Variants in CRPPA observed in about 807,000 individuals in gnomAD.
The protein encoded by CRPPA is CDP-L-ribitol pyrophosphorylase A.
Under a neutral mutation model 52.0 loss-of-function variants are expected in CRPPA, and 43 were observed. The observed-to-expected ratio is 0.83, with a 90% confidence interval of 0.65 to 1.07. The LOEUF (loss-of-function observed/expected upper bound fraction) is 1.07, where lower values mean the gene tolerates loss of function less well. CRPPA is among the 50% of genes least tolerant of loss of function. The pLI is 0.00. For synonymous variants in CRPPA, 250 were observed against 203.5 expected, an observed-to-expected ratio of 1.23 and a Z score of -1.94; for missense variants, 629 against 551.7, an observed-to-expected ratio of 1.14 and a Z score of -1.40.
At chr7:16,378,356 C>T (rs997697191) in intron 2 of CRPPA, among the ~76,000 whole-genome samples, 11 of 146,850 alleles carry the variant, frequency 7.5e-5, no homozygotes, top group Non-Finnish European at 1.5e-4. Flanking sequence ...TGAGAACATG[C>T]GGTGTTTGGT....
intron 5 of CRPPA, among the ~76,000 whole-genome samples, chr7:16,289,602 T>A (rs188236922): frequency 6.6e-6 from 1 of 152,086 alleles, no homozygotes; most frequent in Non-Finnish European, 1.5e-5. Context: ...TTAATAGACA[T>A]AGAAAAAGCA....
chr7:16,310,958 C>G (rs1785022924), intron 3 of CRPPA, among the ~76,000 whole-genome samples: 1 of 152,130 alleles, frequency 6.6e-6, no homozygotes, highest in Non-Finnish European at 1.5e-5. Context: ...AGAATATGAA[C>G]TTTTCCTCAC....
chr7:16,110,369 A>T (rs888537131), intron 9 of CRPPA, among the ~76,000 whole-genome samples: 7 of 152,110 alleles, frequency 4.6e-5, no homozygotes, highest in Non-Finnish European at 5.9e-5. Flanking sequence ...CTATAAACTT[A>T]ACACCATTCC....
intron 9 of CRPPA, among the ~76,000 whole-genome samples, chr7:16,169,815 T>C (rs537552580): frequency 6.6e-6 from 1 of 152,302 alleles, no homozygotes; most frequent in South Asian, 2.1e-4. Flanking sequence ...TTGTTTTGAC[T>C]ACTTAGACAA....
At chr7:16,227,087 G>A (rs570824851) in intron 8 of CRPPA, among the ~76,000 whole-genome samples, 3 of 151,760 alleles carry the variant, frequency 2.0e-5, no homozygotes, top group East Asian at 3.9e-4. Context: ...TCTTTTTCAT[G>A]GCCAAAGAGT....
intron 3 of CRPPA, among the ~76,000 whole-genome samples, chr7:16,350,952 C>G (rs1786135285): frequency 6.6e-6 from 1 of 152,016 alleles, no homozygotes; most frequent in Admixed American, 6.6e-5. Flanking sequence ...AATAGCTGTA[C>G]TATTTTCAGA....
intron 3 of CRPPA, among the ~76,000 whole-genome samples, chr7:16,371,278 G>A (rs993341183): frequency 3.9e-5 from 6 of 152,040 alleles, no homozygotes; most frequent in African/African-American, 9.7e-5. Context: ...ATAAAATACT[G>A]GAGAAAAATT....
intron 6 of CRPPA, among the ~76,000 whole-genome samples, chr7:16,274,405 T>G (rs534618722): frequency 6.6e-6 from 1 of 152,300 alleles, no homozygotes; most frequent in Non-Finnish European, 1.5e-5. Context: ...TAACAGGTTT[T>G]TAAACTTTTA....
intron 9 of CRPPA, among the ~76,000 whole-genome samples, chr7:16,101,004 A>G (rs1562503473): frequency 6.6e-6 from 1 of 152,160 alleles, no homozygotes; most frequent in Admixed American, 6.5e-5. Context: ...GATGAAGCCA[A>G]TTTGATCATG....
intron 8 of CRPPA, among the ~76,000 whole-genome samples, chr7:16,223,055 G>T (rs545491609): frequency 6.6e-6 from 1 of 151,924 alleles, no homozygotes; most frequent in African/African-American, 2.4e-5. Flanking sequence ...AGTTTGAGAG[G>T]CTGAGGCAGG....
chr7:16,149,258 G>T (rs1783029808), intron 9 of CRPPA, among the ~76,000 whole-genome samples: 2 of 152,154 alleles, frequency 1.3e-5, no homozygotes, highest in African/African-American at 4.8e-5. Flanking sequence ...TTTCAGAGGA[G>T]CTATAAGTAA....
chr7:16,198,697 C>T (rs986911826), intron 9 of CRPPA, among the ~76,000 whole-genome samples: 3 of 149,186 alleles, frequency 2.0e-5, no homozygotes, highest in Admixed American at 1.3e-4. Flanking sequence ...ACAGGATGAC[C>T]GGTATGCACT....
intron 9 of CRPPA, among the ~76,000 whole-genome samples, chr7:16,093,874 T>C (rs543395237): frequency 6.6e-6 from 1 of 152,152 alleles, no homozygotes; most frequent in African/African-American, 2.4e-5. Flanking sequence ...CTAAGTCTCA[T>C]TTATTAAATT....
chr7:16,238,689 G>C (rs945160292), intron 8 of CRPPA, among the ~76,000 whole-genome samples: 1 of 152,100 alleles, frequency 6.6e-6, no homozygotes, highest in Non-Finnish European at 1.5e-5. Context: ...AAAATGGCTT[G>C]AAATAGGAAT....
chr7:16,312,200 T>C (rs1483222049), intron 3 of CRPPA, among the ~76,000 whole-genome samples: 1 of 152,046 alleles, frequency 6.6e-6, no homozygotes, highest in East Asian at 1.9e-4. Flanking sequence ...AATTTGTAGA[T>C]CACGTTGGGG....
chr7:16,290,320 A>G (rs1232020191), intron 5 of CRPPA, among the ~76,000 whole-genome samples: 1 of 152,128 alleles, frequency 6.6e-6, no homozygotes, highest in Non-Finnish European at 1.5e-5. Context: ...TGTGTATGGA[A>G]CCACAATAGA....
chr7:16,269,537 C>G (rs183191945), intron 6 of CRPPA: 1 of 151,990 alleles, frequency 6.6e-6, no homozygotes, highest in African/African-American at 2.4e-5. Context: ...TTTTTTTTAC[C>G]CTCATATACT....
At chr7:16,157,224 T>C (rs1783201234) in intron 9 of CRPPA, among the ~76,000 whole-genome samples, 1 of 149,320 alleles carries the variant, frequency 6.7e-6, no homozygotes, top group Non-Finnish European at 1.5e-5. Context: ...AGAAATGAAA[T>C]TCATAAGCTT....
chr7:16,379,044 A>C (rs1222609054), intron 2 of CRPPA, among the ~76,000 whole-genome samples: 15 of 152,082 alleles, frequency 9.9e-5, no homozygotes, highest in South Asian at 2.1e-4. Flanking sequence ...AAATTTTCTC[A>C]CATTTTGTAG....
Sources: gnomAD v4.1 joint callset for allele counts (sites outside exome capture counted in the v4.1 genomes callset) on GRCh38, gnomAD v4.1.1 for gene constraint, MANE v1.5 for transcripts, NCBI Gene and HGNC (gene_info 2026-07-23, HGNC 2026-07-21) for gene names.